TAFA2: variants seen among roughly 807,000 people sequenced by gnomAD.
TAFA2 encodes the protein TAFA chemokine like family member 2, also known as chemokine-like protein TAFA-2.
In TAFA2, 7 loss-of-function variants were observed where a neutral mutation model predicts 18.8. The ratio of observed to expected loss-of-function variants is 0.37; its 90% CI spans 0.21 to 0.70. TAFA2 has a LOEUF of 0.70. Among genes scored for constraint, TAFA2 ranks in the 30% least tolerant of loss-of-function variants. TAFA2 has a pLI of 0.53. For synonymous variants in TAFA2, 60 were observed against 54.2 expected (o/e 1.11, Z -0.47); for missense variants, 122 against 158.1 (o/e 0.77, Z 1.23).
At chr12:61,903,989 T>C (rs1876230877) in intron 1 of TAFA2, among the ~76,000 whole-genome samples, 1 of 152,172 alleles carries the variant, frequency 6.6e-6, no homozygotes, top group South Asian at 2.1e-4. Flanking sequence ...CTTTTCAAGA[T>C]CTATCATCTG....
chr12:61,847,449 T>A (rs1023326417), intron 2 of TAFA2, among the ~76,000 whole-genome samples: 6 of 152,172 alleles, frequency 3.9e-5, no homozygotes, highest in Non-Finnish European at 5.9e-5. Flanking sequence ...AAGAAACCCA[T>A]AAGAATTTTA....
intron 1 of TAFA2, among the ~76,000 whole-genome samples, chr12:62,118,573 G>C (rs1024813699): frequency 5.9e-5 from 9 of 151,982 alleles, no homozygotes; most frequent in African/African-American, 2.2e-4. Flanking sequence ...GCACCAATTT[G>C]CCCTCCAGTC....
At chr12:61,978,488 AAGG>A (rs1261360940) in intron 1 of TAFA2, among the ~76,000 whole-genome samples, 6 of 152,034 alleles carry the variant, frequency 3.9e-5, no homozygotes, top group African/African-American at 7.2e-5. Flanking sequence ...ATGAGAAAGA[AAGG>A]AGGATTGACA....
At chr12:62,125,057 T>C (rs1051255016) in intron 1 of TAFA2, among the ~76,000 whole-genome samples, 1 of 151,990 alleles carries the variant, frequency 6.6e-6, no homozygotes, top group Non-Finnish European at 1.5e-5. Flanking sequence ...TCTTTTAAGA[T>C]GGGTGATAGT....
chr12:61,849,696 C>CT (rs768166113), intron 2 of TAFA2, among the ~76,000 whole-genome samples: 2 of 152,100 alleles, frequency 1.3e-5, no homozygotes, highest in Non-Finnish European at 2.9e-5. Context: ...ATAAGGAAGG[C>CT]GTTCACAGAG....
At chr12:61,763,678 G>T (rs924771544) in intron 2 of TAFA2, among the ~76,000 whole-genome samples, 7 of 151,920 alleles carry the variant, frequency 4.6e-5, no homozygotes, top group African/African-American at 1.7e-4. Flanking sequence ...TGAGCCAAAA[G>T]TATGTCTGGT....
chr12:62,062,580 AC>A (rs1381014909), intron 1 of TAFA2, among the ~76,000 whole-genome samples: 1 of 152,174 alleles, frequency 6.6e-6, no homozygotes, highest in Non-Finnish European at 1.5e-5. Flanking sequence ...GGAGACGTTA[AC>A]ACACCTGTAT....
intron 1 of TAFA2, among the ~76,000 whole-genome samples, chr12:62,249,871 C>T (rs1463473681): frequency 6.6e-6 from 1 of 152,186 alleles, no homozygotes; most frequent in African/African-American, 2.4e-5. Flanking sequence ...GCCCTCTCCA[C>T]CTGTGCCTCA....
chr12:61,906,769 G>A (rs755928607), intron 1 of TAFA2, among the ~76,000 whole-genome samples: 17 of 152,178 alleles, frequency 1.1e-4, no homozygotes, highest in Non-Finnish European at 1.6e-4. Context: ...TGCAGTCCAG[G>A]CTGAGGTGGT....
chr12:62,256,139 G>A (rs2062937683), intron 1 of TAFA2, among the ~76,000 whole-genome samples: 1 of 151,702 alleles, frequency 6.6e-6, no homozygotes, highest in African/African-American at 2.4e-5. Flanking sequence ...CATGTTGACA[G>A]GTGCCTGTAA....
intron 1 of TAFA2, among the ~76,000 whole-genome samples, chr12:62,160,055 A>G (rs80025487): frequency 0.021 from 3,181 of 152,278 alleles, 119 homozygotes; most frequent in African/African-American, 0.071. Context: ...AATGAACATC[A>G]TCTGCGTGCC....
intron 1 of TAFA2, among the ~76,000 whole-genome samples, chr12:62,071,084 C>G (rs2136803927): frequency 6.6e-6 from 1 of 152,288 alleles, no homozygotes; most frequent in Non-Finnish European, 1.5e-5. Flanking sequence ...AGACACAGTT[C>G]TGAGTACTGT....
intron 1 of TAFA2, among the ~76,000 whole-genome samples, chr12:62,203,803 G>A (rs1460096632): frequency 6.6e-6 from 1 of 152,076 alleles, no homozygotes; most frequent in Non-Finnish European, 1.5e-5. Context: ...GCCATTCTGT[G>A]TTTTTTAATT....
At chr12:62,230,116 T>G (rs1341836819) in intron 1 of TAFA2, among the ~76,000 whole-genome samples, 2 of 152,074 alleles carry the variant, frequency 1.3e-5, no homozygotes, top group Non-Finnish European at 2.9e-5. Flanking sequence ...GGTCTAATTT[T>G]TTTTCTTAGT....
chr12:62,052,010 C>T (rs1399126484), intron 1 of TAFA2, among the ~76,000 whole-genome samples: 3 of 152,094 alleles, frequency 2.0e-5, no homozygotes, highest in Non-Finnish European at 2.9e-5. Context: ...TTCCATAAAA[C>T]TTTAATTGCA....
chr12:61,976,417 A>C (rs546453322), intron 1 of TAFA2, among the ~76,000 whole-genome samples: 2 of 151,980 alleles, frequency 1.3e-5, no homozygotes, highest in Non-Finnish European at 2.9e-5. Context: ...GGAAAAATAA[A>C]AATCATAAAA....
At chr12:61,819,534 T>C (rs1436035568) in intron 2 of TAFA2, among the ~76,000 whole-genome samples, 4 of 152,172 alleles carry the variant, frequency 2.6e-5, no homozygotes, top group Non-Finnish European at 5.9e-5. Flanking sequence ...GGCTAGGATG[T>C]GAAGTCAAAA....
chr12:62,259,832 A>T (rs1230944606), upstream of TAFA2: 1 of 154,494 alleles, frequency 6.5e-6, no homozygotes, highest in African/African-American at 2.4e-5. Flanking sequence ...AGAGCGCTGG[A>T]AGGAACCCAG....
intron 4 of TAFA2, among the ~76,000 whole-genome samples, chr12:61,724,358 T>C (rs957216901): frequency 2.6e-4 from 39 of 151,938 alleles, no homozygotes; most frequent in African/African-American, 8.7e-4. Flanking sequence ...CCTCTCCCTC[T>C]CCCTCTCCTC....
Sources: gnomAD v4.1 joint callset for allele counts (sites outside exome capture counted in the v4.1 genomes callset) on GRCh38, gnomAD v4.1.1 for gene constraint, MANE v1.5 for transcripts, NCBI Gene and HGNC (gene_info 2026-07-23, HGNC 2026-07-21) for gene names.